Variants in SCG5 observed in about 807,000 individuals in gnomAD.
The protein encoded by SCG5 is neuroendocrine protein 7B2.
Under a neutral mutation model 25.7 loss-of-function variants are expected in SCG5, and 18 were observed. The observed-to-expected ratio is 0.70, with a 90% CI of 0.48 to 1.04. The LOEUF is 1.04. Among genes scored for constraint, SCG5 ranks in the 50% least tolerant of loss-of-function variants. The pLI is 0.00. For missense variants in SCG5, 206 were observed against 259.8 expected (o/e 0.79, Z 1.42); for synonymous variants, 101 against 91.7 (o/e 1.10, Z -0.58).
At chr15:32,653,141 G>A (rs182938392) in intron 2 of SCG5, among the ~76,000 whole-genome samples, 2 of 152,308 alleles carry the variant, frequency 1.3e-5, no homozygotes, top group African/African-American at 4.8e-5. Flanking sequence ...ATAACAATTT[G>A]TCAAGAATCA....
At chr15:32,652,511 G>A (rs1224531799) in intron 2 of SCG5, among the ~76,000 whole-genome samples, 1 of 152,110 alleles carries the variant, frequency 6.6e-6, no homozygotes, top group African/African-American at 2.4e-5. Flanking sequence ...ATGTGGGATG[G>A]GGAGCAGCAA....
chr15:32,678,938 T>C (rs559303349), intron 2 of SCG5, among the ~76,000 whole-genome samples: 2 of 152,320 alleles, frequency 1.3e-5, no homozygotes, highest in Admixed American at 6.5e-5. Flanking sequence ...GTAGCAACAA[T>C]TGGAGTCAAT....
chr15:32,695,385 T>C (rs2054939682), intron 5 of SCG5, among the ~76,000 whole-genome samples: 1 of 152,000 alleles, frequency 6.6e-6, no homozygotes, highest in African/African-American at 2.4e-5. Flanking sequence ...TTCCAAAACT[T>C]TTGAATTTTT....
At chr15:32,694,791 G>A (rs953434978) in intron 5 of SCG5, among the ~76,000 whole-genome samples, 11 of 152,302 alleles carry the variant, frequency 7.2e-5, no homozygotes, top group Admixed American at 3.3e-4. Flanking sequence ...GACCTTTCAC[G>A]ATTCATGCGT....
intron 2 of SCG5, among the ~76,000 whole-genome samples, chr15:32,656,909 G>A (rs1472936973): frequency 6.6e-6 from 1 of 151,800 alleles, no homozygotes; most frequent in African/African-American, 2.4e-5. Context: ...TGGCGGTGGA[G>A]GCTGGGGGGG....
chr15:32,693,692 C>G (rs2054904743), intron 5 of SCG5, among the ~76,000 whole-genome samples: 1 of 152,192 alleles, frequency 6.6e-6, no homozygotes, highest in Non-Finnish European at 1.5e-5. Flanking sequence ...AAGCAAAGAT[C>G]CAATCCCAGT....
intron 4 of SCG5, among the ~76,000 whole-genome samples, chr15:32,688,194 G>A (rs1374396842): frequency 6.6e-6 from 1 of 152,104 alleles, no homozygotes; most frequent in Non-Finnish European, 1.5e-5. Flanking sequence ...GAGTCCTACC[G>A]AGGGCTGGCT....
chr15:32,689,581 C>T (rs2054803839), intron 4 of SCG5, among the ~76,000 whole-genome samples: 2 of 152,134 alleles, frequency 1.3e-5, no homozygotes, highest in Admixed American at 1.3e-4. Context: ...GGAAAACAGG[C>T]TCACCACTCC....
chr15:32,683,516 C>A (rs12441140), intron 3 of SCG5, among the ~76,000 whole-genome samples: 49,093 of 152,050 alleles, frequency 0.32, 8,265 homozygotes, highest in East Asian at 0.59. Context: ...TTTCAAAGGG[C>A]AGTCATAGTA....
At chr15:32,657,803 C>A (rs1432554190) in intron 2 of SCG5, among the ~76,000 whole-genome samples, 1 of 152,170 alleles carries the variant, frequency 6.6e-6, no homozygotes, top group African/African-American at 2.4e-5. Context: ...CTACTACATG[C>A]CAGGAACTGT....
intron 4 of SCG5, among the ~76,000 whole-genome samples, chr15:32,690,624 T>C (rs1053303977): frequency 1.6e-4 from 24 of 152,224 alleles, no homozygotes; most frequent in African/African-American, 5.3e-4. Flanking sequence ...GGGCAAGAGA[T>C]ATGCATTGTA....
intron 2 of SCG5, among the ~76,000 whole-genome samples, chr15:32,664,322 A>G (rs912492964): frequency 1.3e-5 from 2 of 152,150 alleles, no homozygotes; most frequent in Non-Finnish European, 2.9e-5. Flanking sequence ...CTCCTTCCCT[A>G]CATTGCTCTC....
intron 2 of SCG5, among the ~76,000 whole-genome samples, chr15:32,649,530 G>A (rs929022771): frequency 6.6e-6 from 1 of 152,322 alleles, no homozygotes; most frequent in African/African-American, 2.4e-5. Flanking sequence ...TAAACCAGCA[G>A]AGGGCCAACT....
intron 1 of SCG5, 23 bp from the exon 2 acceptor site, chr15:32,643,563 T>C (rs755981497): frequency 6.5e-7 from 1 of 1,538,030 alleles, no homozygotes; most frequent in Non-Finnish European, 9.0e-7. Context: ...CCTATCAGTA[T>C]ACATTTGGTC....
At chr15:32,675,624 C>A (rs532139545) in intron 2 of SCG5, among the ~76,000 whole-genome samples, 1 of 152,336 alleles carries the variant, frequency 6.6e-6, no homozygotes. Flanking sequence ...TTTATGTCGT[C>A]TATAGCACCT....
chr15:32,641,844 T>C (rs1195856096), intron 1 of SCG5, 66 bp downstream of exon 1: 1 of 152,278 alleles, frequency 6.6e-6, no homozygotes, highest in Admixed American at 6.6e-5. Context: ...TTGCCAGTTG[T>C]GGGAGGGCGT....
intron 5 of SCG5, among the ~76,000 whole-genome samples, chr15:32,696,179 A>G (rs192757374): frequency 1.9e-3 from 295 of 151,852 alleles, no homozygotes; most frequent in Middle Eastern, 3.4e-3. Flanking sequence ...GTGCAGTGGC[A>G]TGACGTCTGC....
At chr15:32,651,175 G>T (rs182223680) in intron 2 of SCG5, among the ~76,000 whole-genome samples, 60 of 152,280 alleles carry the variant, frequency 3.9e-4, no homozygotes, top group Admixed American at 3.3e-3. Flanking sequence ...TCCAGCGTGG[G>T]CAACAAGAGC....
intron 2 of SCG5, among the ~76,000 whole-genome samples, chr15:32,649,978 G>A (rs561512228): frequency 1.3e-5 from 2 of 152,204 alleles, no homozygotes; most frequent in African/African-American, 4.8e-5. Flanking sequence ...GGGGTTTCCA[G>A]CCCACTCTTA....
Sources: gnomAD v4.1 joint callset for allele counts (sites outside exome capture counted in the v4.1 genomes callset) on GRCh38, gnomAD v4.1.1 for gene constraint, MANE v1.5 for transcripts, NCBI Gene and HGNC (gene_info 2026-07-23, HGNC 2026-07-21) for gene names.